Variants in F11R observed in about 807,000 individuals in gnomAD.
F11R encodes the protein junctional adhesion molecule A.
F11R carries 27 observed loss-of-function variants against 39.3 expected under a neutral mutation model. The observed-to-expected ratio is 0.69, with a 90% CI of 0.51 to 0.95. The LOEUF (loss-of-function observed/expected upper bound fraction) is 0.95. F11R is among the 40% of genes least tolerant of loss of function. The pLI, the probability that F11R is intolerant of heterozygous loss-of-function variation, is 0.00. For missense variants in F11R, 335 were observed against 372.7 expected (o/e 0.90, Z 0.83); for synonymous variants, 131 against 144.9 (o/e 0.90, Z 0.69).
intron 1 of F11R, among the ~76,000 whole-genome samples, chr1:161,012,581 T>C (rs936470537): frequency 2.0e-5 from 3 of 150,350 alleles, no homozygotes; most frequent in African/African-American, 7.3e-5. Context: ...GTTGCTTTTG[T>C]GTCGTTTGAA....
intron 3 of F11R, 82 bp downstream of exon 3, chr1:161,000,938 G>A: frequency 1.3e-6 from 2 of 1,498,252 alleles, no homozygotes; most frequent in Non-Finnish European, 1.9e-6. Flanking sequence ...CTGGGATAAG[G>A]GCACAAAGTC....
intron 1 of F11R, among the ~76,000 whole-genome samples, chr1:161,015,924 C>T (rs1048083924): frequency 6.6e-6 from 1 of 152,022 alleles, no homozygotes; most frequent in Non-Finnish European, 1.5e-5. Context: ...GTCAATTAAC[C>T]TATTCTAATT....
chr1:161,010,767 C>G (rs1234931813), intron 1 of F11R, among the ~76,000 whole-genome samples: 1 of 151,876 alleles, frequency 6.6e-6, no homozygotes, highest in Non-Finnish European at 1.5e-5. Flanking sequence ...GGACGGATCA[C>G]TTGAGGCCAG....
rs1034121166 is a variant in F11R at position 161,011,813 on chromosome 1, A to T, written c.64+9197T>A. Among the ~76,000 whole-genome samples, 11 of 152,314 alleles carry T rather than the reference A, an allele frequency of 7.2e-5. No individual in the cohort carries two copies. The East Asian group carries it at 2.1e-3, about 29-fold the overall frequency. On this transcript the variant is annotated intron_variant, in intron 1 of 9. Transcript: ENST00000368026. ...ATAAAGACTAGAATGAAACACCAGT[A>T]ATAAGTGTTTATCTCTAGATAATAG...
chr1:160,999,695 G>C lies in F11R; in HGVS notation c.747C>G (p.Leu249=), dbSNP rs1393054422. 3 of 1,614,044 alleles carry C rather than the reference G, an allele frequency of 1.9e-6. No homozygotes were observed. The highest frequency in any genetic ancestry group is 2.7e-5 in the African/African-American group (2 of 74,902). The change falls in exon 7 of 10, where the codon CTC becomes CTG. Residue 249 remains leucine (L), a synonymous_variant. Transcript: ENST00000368026. Reference sequence around the variant, plus strand: ...AGATGCCAAAAACCAAGATTCCCAGGAGAATCAGGGTTACAAGGACGGCTG... The same window carrying C: ...AGATGCCAAAAACCAAGATTCCCAGCAGAATCAGGGTTACAAGGACGGCTG... ...IVAAVLVTLI[L]LGILVFGIWF...
At chr1:161,000,590 T>C in intron 4 of F11R, 41 bp downstream of exon 4, 2 of 1,612,934 alleles carry the variant, frequency 1.2e-6, no homozygotes, top group Non-Finnish European at 1.7e-6. Flanking sequence ...CTATGAGAAG[T>C]AACTAACTCC....
intron 1 of F11R, among the ~76,000 whole-genome samples, chr1:161,018,145 T>C (rs1041508572): frequency 6.6e-6 from 1 of 152,246 alleles, no homozygotes; most frequent in African/African-American, 2.4e-5. Flanking sequence ...GCTAGTACTC[T>C]GGGTCATCAG....
intron 1 of F11R, 51 bp downstream of exon 1, chr1:161,020,959 T>A: frequency 6.4e-7 from 1 of 1,569,400 alleles, no homozygotes; most frequent in Non-Finnish European, 8.8e-7. Context: ...AGAGCCTTCC[T>A]CCAACCTCTG....
At chr1:161,016,215 G>A (rs1364821454) in intron 1 of F11R, among the ~76,000 whole-genome samples, 2 of 152,146 alleles carry the variant, frequency 1.3e-5, no homozygotes, top group East Asian at 1.9e-4. Flanking sequence ...GGTGGCTCAC[G>A]CCTGTAATCC....
intron 1 of F11R, among the ~76,000 whole-genome samples, chr1:161,011,094 G>A (rs922511100): frequency 3.3e-5 from 5 of 151,492 alleles, no homozygotes; most frequent in South Asian, 2.1e-4. Flanking sequence ...GTGCAGTGGC[G>A]CGATTGTGGC....
At chr1:161,008,879 C>T (rs1416072706) in intron 1 of F11R, among the ~76,000 whole-genome samples, 1 of 152,160 alleles carries the variant, frequency 6.6e-6, no homozygotes, top group Non-Finnish European at 1.5e-5. Flanking sequence ...CCAAATTTTT[C>T]TGCAAGCTAA....
At chr1:161,005,141 C>T (rs1211125360) in intron 1 of F11R, among the ~76,000 whole-genome samples, 6 of 149,636 alleles carry the variant, frequency 4.0e-5, no homozygotes, top group African/African-American at 9.8e-5. Flanking sequence ...GCCTGGGTGA[C>T]AGAGCAAGAC....
intron 1 of F11R, among the ~76,000 whole-genome samples, chr1:161,018,056 ACTCAC>A (rs1649561596): frequency 6.6e-6 from 1 of 152,064 alleles, no homozygotes; most frequent in African/African-American, 2.4e-5. Flanking sequence ...ACCTATCCAC[ACTCAC>A]CTCTACTGTG....
At position 160,997,669 on chromosome 1, in the gene F11R, C is replaced by T. The variant is rs1422561829; in HGVS notation, c.*1202G>A. The T allele has an allele frequency of 2.0e-5, 3 of 152,896 alleles. No individual in the cohort carries two copies. In the East Asian group the frequency reaches 5.6e-4, roughly 29 times the overall value. The allele number at this position is 152,896 out of a possible 1,614,324, so 9.5% of individuals were successfully genotyped here. On this transcript the variant is annotated 3_prime_UTR_variant, in exon 10 of 10. Transcript: ENST00000368026. The stretch of plus-strand genomic sequence containing the variant: ...GCCTAGGAACCCTCAAAGACCTTTT[C>T]CCCTACTTACTTCCCACAAAAAAGA...
At chr1:161,005,015 G>A (rs946666846) in intron 1 of F11R, among the ~76,000 whole-genome samples, 31 of 151,594 alleles carry the variant, frequency 2.0e-4, no homozygotes, top group African/African-American at 6.8e-4. Flanking sequence ...ACAAAAACCA[G>A]CCAGGGGTGG....
intron 1 of F11R, among the ~76,000 whole-genome samples, chr1:161,003,813 G>A (rs1474736091): frequency 1.3e-5 from 2 of 151,846 alleles, no homozygotes; most frequent in Admixed American, 6.6e-5. Context: ...TGCCCAGACT[G>A]GAGTGCAGTG....
At chr1:161,016,726 T>C (rs550227585) in intron 1 of F11R, among the ~76,000 whole-genome samples, 8 of 152,008 alleles carry the variant, frequency 5.3e-5, no homozygotes, top group Non-Finnish European at 5.9e-5. Context: ...CTGCCACTCG[T>C]TTCCTAGTTC....
chr1:161,010,058 T>TAAAAAA (rs11443926), intron 1 of F11R, among the ~76,000 whole-genome samples: 2 of 145,252 alleles, frequency 1.4e-5, no homozygotes, highest in African/African-American at 2.5e-5. Context: ...ACTAAACTCT[T>TAAAAAA]AAAAAAAAAA....
intron 1 of F11R, among the ~76,000 whole-genome samples, chr1:161,002,131 G>A (rs1242523088): frequency 2.6e-5 from 4 of 151,946 alleles, no homozygotes; most frequent in African/African-American, 9.7e-5. Context: ...AGGCATGGTG[G>A]CACACCTGTA....
Sources: gnomAD v4.1 joint callset for allele counts (sites outside exome capture counted in the v4.1 genomes callset) on GRCh38, gnomAD v4.1.1 for gene constraint, MANE v1.5 for transcripts, NCBI Gene and HGNC (gene_info 2026-07-23, HGNC 2026-07-21) for gene names.